CD244: variants seen among roughly 807,000 people sequenced by gnomAD.
CD244 encodes the protein natural killer cell receptor 2B4.
A neutral mutation model predicts 45.5 loss-of-function variants in CD244; 20 were observed. That is an observed-to-expected ratio of 0.44 (90% CI 0.31 to 0.64). CD244 has a LOEUF of 0.64. Among genes scored for constraint, CD244 ranks in the 30% least tolerant of loss-of-function variants. The pLI is 0.08. For synonymous variants in CD244, 185 were observed against 160.5 expected, an observed-to-expected ratio of 1.15 and a Z score of -1.15; for missense variants, 407 against 426.9, an observed-to-expected ratio of 0.95 and a Z score of 0.41.
intron 3 of CD244, 123 bp from the exon 4 acceptor site, chr1:160,839,172 G>A: frequency 1.5e-6 from 1 of 652,468 alleles, no homozygotes; most frequent in Non-Finnish European, 2.7e-6. Context: ...ATTGCCTCGT[G>A]CTCTGAGAAC....
At chr1:160,854,771 C>T (rs1057240957) in intron 1 of CD244, among the ~76,000 whole-genome samples, 3 of 152,054 alleles carry the variant, frequency 2.0e-5, no homozygotes, top group African/African-American at 4.8e-5. Flanking sequence ...AAAATTAGGC[C>T]GTTATATTTT....
At chr1:160,856,943 A>G (rs2101894678) in intron 1 of CD244, among the ~76,000 whole-genome samples, 1 of 152,378 alleles carries the variant, frequency 6.6e-6, no homozygotes, top group Middle Eastern at 3.4e-3. Context: ...TAATATGCAG[A>G]ATAGACAAGA....
intron 6 of CD244, 136 bp downstream of exon 6, chr1:160,836,059 C>A: frequency 1.4e-6 from 1 of 692,748 alleles, no homozygotes; most frequent in Non-Finnish European, 2.6e-6. Context: ...TGTGTTAATG[C>A]AACTGAAGCC....
chr1:160,862,566 G>A, intron 1 of CD244, 51 bp downstream of exon 1: 2 of 1,539,932 alleles, frequency 1.3e-6, no homozygotes, highest in Non-Finnish European at 1.8e-6. Context: ...CTCCCTGAGG[G>A]GCACAGCTCC....
At chr1:160,836,111 GC>G in intron 6 of CD244, 83 bp downstream of exon 6, 1 of 978,114 alleles carries the variant, frequency 1.0e-6, no homozygotes, top group African/African-American at 1.6e-5. Context: ...ATCTTATTCT[GC>G]CATTCAATGG....
intron 1 of CD244, among the ~76,000 whole-genome samples, chr1:160,846,728 G>A (rs1470863369): frequency 2.6e-5 from 4 of 152,002 alleles, no homozygotes; most frequent in Non-Finnish European, 5.9e-5. Flanking sequence ...AATTAAAAAC[G>A]GAAAGAATTT....
chr1:160,838,448 T>C lies in CD244; in HGVS notation c.834+3A>G, dbSNP rs1415008897. Reference sequence around the variant, plus strand: ...AGAGACCCCAGCCTCCGGGATGACATACGTGATTTCTCCTGGTTTTCAGAT... The same window carrying C: ...AGAGACCCCAGCCTCCGGGATGACACACGTGATTTCTCCTGGTTTTCAGAT... On this transcript the variant is annotated splice_donor_region_variant and intron_variant, in intron 5 of 8. Coordinates refer to ENST00000368034, the MANE Select transcript of CD244 (RefSeq NM_016382.4). The C allele has an allele frequency of 6.2e-7, 1 of 1,609,418 alleles. No homozygotes were observed. The highest frequency in any genetic ancestry group is 8.5e-7 in the Non-Finnish European group (1 of 1,175,826).
Position 160,851,235 on chromosome 1 carries a change from C to T in CD244, c.62-9334G>A, listed in dbSNP as rs558312732. 5.3e-5 allele frequency among the ~76,000 whole-genome samples: 8 copies of T among 152,266 alleles called. No homozygotes were observed. In the South Asian group the frequency reaches 1.0e-3, roughly 20 times the overall value. ...CTCTCCTTTTCCTGAAGGTTGGGGA[C>T]GGGCTCAGAGTCCAATATTCCAACC... On this transcript the variant is annotated intron_variant, in intron 1 of 8. Coordinates refer to ENST00000368034, the MANE Select transcript of CD244 (RefSeq NM_016382.4).
At chr1:160,832,881 T>C (rs1669180054) in intron 7 of CD244, among the ~76,000 whole-genome samples, 1 of 148,982 alleles carries the variant, frequency 6.7e-6, no homozygotes, top group East Asian at 1.9e-4. Context: ...TATATATATA[T>C]ATATATACAC....
intron 5 of CD244, 27 bp downstream of exon 5, chr1:160,838,424 G>A (rs1383013946): frequency 6.4e-7 from 1 of 1,564,158 alleles, no homozygotes; most frequent in Non-Finnish European, 8.8e-7. Flanking sequence ...CCAGCTGAGA[G>A]AGACCCCAGC....
At chr1:160,847,797 A>C (rs1439161205) in intron 1 of CD244, among the ~76,000 whole-genome samples, 1 of 152,236 alleles carries the variant, frequency 6.6e-6, no homozygotes, top group Non-Finnish European at 1.5e-5. Context: ...AAAAAGAAAT[A>C]GTAATTCAAA....
chr1:160,839,089 C>T (rs543654199), intron 3 of CD244, 40 bp from the exon 4 acceptor site: 11 of 1,458,226 alleles, frequency 7.5e-6, no homozygotes, highest in Admixed American at 7.0e-5. Context: ...GCTGTCAGCT[C>T]GCTCTCTTCT....
intron 8 of CD244, among the ~76,000 whole-genome samples, chr1:160,831,841 T>C (rs1022192177): frequency 6.6e-6 from 1 of 152,182 alleles, no homozygotes; most frequent in Non-Finnish European, 1.5e-5. Flanking sequence ...ATGAGGCTAA[T>C]GGGTAGTGGG....
At chr1:160,857,864 T>G (rs1670165446) in intron 1 of CD244, among the ~76,000 whole-genome samples, 1 of 151,354 alleles carries the variant, frequency 6.6e-6, no homozygotes, top group Non-Finnish European at 1.5e-5. Context: ...CCAGGCAGCA[T>G]AGCAAAACCC....
intron 1 of CD244, chr1:160,848,593 T>C: frequency 2.7e-6 from 1 of 365,008 alleles, no homozygotes; most frequent in Admixed American, 3.7e-5. Flanking sequence ...CCAAGAAGAA[T>C]CTGAACAGAC....
intron 5 of CD244, 89 bp downstream of exon 5, chr1:160,838,362 C>A: frequency 1.0e-6 from 1 of 957,656 alleles, no homozygotes; most frequent in South Asian, 1.3e-5. Context: ...GTCGTTCAGT[C>A]CTTTTTGTCC....
rs1238349129 is a variant in CD244 at position 160,841,704 on chromosome 1, C to T, written c.259G>A (p.Val87Ile). The change falls in exon 2 of 9, where the codon GTC becomes ATC. Residue 87 changes from valine to isoleucine, a missense_variant. Coordinates refer to ENST00000368034, the MANE Select transcript of CD244 (RefSeq NM_016382.4). ...TTGATGAGAAGACTCAAGTTCTTGA[C>T]TATAAAACTGAATCTATCATTGGAA... ...NTSNDRFSFI[V>I]KNLSLLIKAA... 1 of 1,614,048 alleles carries T rather than the reference C, an allele frequency of 6.2e-7. No homozygotes were observed. Among genetic ancestry groups the T allele is most frequent in the African/African-American group, 1.3e-5 (1 of 74,922 alleles).
At chr1:160,846,831 A>AG (rs1669755547) in intron 1 of CD244, among the ~76,000 whole-genome samples, 1 of 152,230 alleles carries the variant, frequency 6.6e-6, no homozygotes, top group South Asian at 2.1e-4. Context: ...GAAAAACAAT[A>AG]GAAACAGATG....
At chr1:160,836,094 C>T in intron 6 of CD244, 101 bp downstream of exon 6, 1 of 866,660 alleles carries the variant, frequency 1.2e-6, no homozygotes, top group Non-Finnish European at 1.9e-6. Flanking sequence ...ATTCTAGAAG[C>T]ACCAAGATCT....
Sources: allele counts gnomAD v4.1 joint callset (sites outside exome capture counted in the v4.1 genomes callset), GRCh38; gene constraint gnomAD v4.1.1; transcripts MANE v1.5; gene names NCBI Gene and HGNC (gene_info 2026-07-23, HGNC 2026-07-21).